GABRB1: variants seen among roughly 807,000 people sequenced by gnomAD.
GABRB1 encodes the protein gamma-aminobutyric acid type A receptor subunit beta1.
In GABRB1, 17 loss-of-function variants were observed where a neutral mutation model predicts 51.6. The ratio of observed to expected loss-of-function variants is 0.33; its 90% CI spans 0.23 to 0.49. The LOEUF is 0.49. GABRB1 is among the 20% of genes least tolerant of loss of function. The probability of loss-of-function intolerance (pLI) is 0.99; values close to 1 mark genes in which losing one functional copy is unlikely to be tolerated. For missense variants in GABRB1, 410 were observed against 600.6 expected, an observed-to-expected ratio of 0.68 and a Z score of 3.32; for synonymous variants, 247 against 218.9, an observed-to-expected ratio of 1.13 and a Z score of -1.14.
intron 5 of GABRB1, among the ~76,000 whole-genome samples, chr4:47,344,779 G>A (rs934985642): frequency 6.6e-6 from 1 of 152,060 alleles, no homozygotes; most frequent in Non-Finnish European, 1.5e-5. Context: ...CTGGAGTGCT[G>A]TGGCACAGTC....
At position 47,320,763 on chromosome 4, in the gene GABRB1, CTTTTTTCTTTTTT is replaced by C. The variant is rs1182531030; in HGVS notation, c.544+561_544+573del. The stretch of plus-strand genomic sequence containing the variant: ...GCTTTTTCACTGATTGTTTTCTTTT[CTTTTTTCTTTTTT>C]TTTTTTTTTTTGAGACGGAGTCCCA... On this transcript the variant is annotated intron_variant, in intron 5 of 8. Coordinates refer to ENST00000295454, the MANE Select transcript of GABRB1 (RefSeq NM_000812.4). Among the ~76,000 whole-genome samples the C allele has an allele frequency of 1.4e-4, 16 of 113,324 alleles. No homozygotes were observed. The South Asian group carries it at 3.6e-3, about 26-fold the overall frequency. 74.3% of individuals were successfully genotyped at this position (113,324 alleles called of 152,430 possible). A position where few individuals can be genotyped will look rare whatever the true frequency, so the allele number is the denominator to read the frequency against.
chr4:47,001,293 C>T (rs1368078305), intron 1 of GABRB1, among the ~76,000 whole-genome samples: 2 of 151,938 alleles, frequency 1.3e-5, no homozygotes, highest in Admixed American at 6.6e-5. Context: ...CAGGCGCCCC[C>T]CACCACGCCC....
At chr4:47,406,605 G>A in intron 7 of GABRB1, 77 bp from the exon 8 acceptor site, 2 of 1,568,846 alleles carry the variant, frequency 1.3e-6, no homozygotes, top group Non-Finnish European at 1.7e-6. Context: ...AGTGGCAAAT[G>A]GCATCTGTCC....
intron 5 of GABRB1, among the ~76,000 whole-genome samples, chr4:47,383,622 A>G (rs542299097): frequency 9.2e-5 from 14 of 152,346 alleles, no homozygotes; most frequent in African/African-American, 3.4e-4. Context: ...AGAGATGTGA[A>G]GAATGGGTTC....
At chr4:47,292,058 A>G (rs1578068451) in intron 4 of GABRB1, among the ~76,000 whole-genome samples, 3 of 152,174 alleles carry the variant, frequency 2.0e-5, no homozygotes, top group African/African-American at 7.2e-5. Context: ...TCCCCAGCCA[A>G]ATCTCATCTT....
intron 1 of GABRB1, among the ~76,000 whole-genome samples, chr4:47,011,676 T>C (rs1724585063): frequency 6.6e-6 from 1 of 152,176 alleles, no homozygotes; most frequent in Non-Finnish European, 1.5e-5. Flanking sequence ...ATAGTTTCAA[T>C]CTTAGGGTAG....
chr4:47,239,018 G>A (rs1404778733), intron 4 of GABRB1, among the ~76,000 whole-genome samples: 2 of 152,166 alleles, frequency 1.3e-5, no homozygotes, highest in East Asian at 3.9e-4. Context: ...CCTGGTACAG[G>A]CTTTATTTTA....
intron 3 of GABRB1, among the ~76,000 whole-genome samples, chr4:47,039,047 A>G (rs1326924314): frequency 3.3e-5 from 5 of 152,126 alleles, no homozygotes; most frequent in African/African-American, 1.2e-4. Context: ...GTAGCATTTA[A>G]CAATCTATTA....
chr4:47,098,517 G>T (rs1174544007), intron 3 of GABRB1, among the ~76,000 whole-genome samples: 1 of 152,074 alleles, frequency 6.6e-6, no homozygotes, highest in African/African-American at 2.4e-5. Flanking sequence ...GGAAATCAGT[G>T]TCCTGATAGG....
At chr4:47,365,499 A>G (rs1726947631) in intron 5 of GABRB1, among the ~76,000 whole-genome samples, 1 of 152,160 alleles carries the variant, frequency 6.6e-6, no homozygotes, top group Non-Finnish European at 1.5e-5. Flanking sequence ...GCGATTAGCA[A>G]CACCAGGAAG....
intron 3 of GABRB1, among the ~76,000 whole-genome samples, chr4:47,093,568 T>C (rs1714236270): frequency 6.6e-6 from 1 of 152,206 alleles, no homozygotes; most frequent in South Asian, 2.1e-4. Context: ...CCACCATATT[T>C]TTCTGCGTAC....
intron 3 of GABRB1, among the ~76,000 whole-genome samples, chr4:47,111,969 CT>C (rs372238269): frequency 9.7e-4 from 133 of 137,764 alleles, no homozygotes; most frequent in Middle Eastern, 7.7e-3. Context: ...AAGTAGTATT[CT>C]TTTTTTTTTT....
chr4:47,124,240 A>C (rs1716008151), intron 3 of GABRB1, among the ~76,000 whole-genome samples: 1 of 151,936 alleles, frequency 6.6e-6, no homozygotes, highest in Non-Finnish European at 1.5e-5. Flanking sequence ...GCATTAGAAG[A>C]GTTTTGCAAA....
At chr4:47,331,727 T>A (rs1202667750) in intron 5 of GABRB1, among the ~76,000 whole-genome samples, 1 of 152,172 alleles carries the variant, frequency 6.6e-6, no homozygotes, top group Non-Finnish European at 1.5e-5. Flanking sequence ...TTTGATTCAC[T>A]TGAGATCCAA....
chr4:47,065,781 T>A (rs368848754), intron 3 of GABRB1, among the ~76,000 whole-genome samples: 14 of 152,318 alleles, frequency 9.2e-5, no homozygotes, highest in African/African-American at 3.4e-4. Context: ...CTATCCTAAA[T>A]CCATAAAGGA....
chr4:47,347,553 G>C (rs368067429), intron 5 of GABRB1, among the ~76,000 whole-genome samples: 1 of 151,874 alleles, frequency 6.6e-6, no homozygotes. Flanking sequence ...TTCTGCCTTC[G>C]TGGCACAATC....
chr4:47,012,976 G>A (rs1419263755), intron 1 of GABRB1, among the ~76,000 whole-genome samples: 1 of 152,196 alleles, frequency 6.6e-6, no homozygotes, highest in Admixed American at 6.5e-5. Context: ...TAGTTCATTT[G>A]TGTAACCACT....
chr4:47,128,673 A>G (rs2109667417), intron 3 of GABRB1, among the ~76,000 whole-genome samples: 1 of 152,150 alleles, frequency 6.6e-6, no homozygotes, highest in Admixed American at 6.5e-5. Context: ...TCAGAGAGTT[A>G]TAATATTTCA....
chr4:47,192,849 CAT>C (rs1719497894), intron 4 of GABRB1, among the ~76,000 whole-genome samples: 1 of 152,172 alleles, frequency 6.6e-6, no homozygotes, highest in African/African-American at 2.4e-5. Flanking sequence ...AAATTATTTA[CAT>C]GTTATAACTC....
Sources: gnomAD v4.1 joint callset for allele counts (sites outside exome capture counted in the v4.1 genomes callset) on GRCh38, gnomAD v4.1.1 for gene constraint, MANE v1.5 for transcripts, NCBI Gene and HGNC (gene_info 2026-07-23, HGNC 2026-07-21) for gene names.